The following FMN1 variants were observed in gnomAD, a reference collection of about 807,000 sequenced individuals.
The protein encoded by FMN1 is formin 1, also known as formin-1.
In FMN1, 110 loss-of-function variants were observed where a neutral mutation model predicts 132.4. That is an observed-to-expected ratio of 0.83 (90% CI 0.71 to 0.97). The LOEUF (loss-of-function observed/expected upper bound fraction) is 0.97. Among genes scored for constraint, FMN1 ranks in the 50% least tolerant of loss-of-function variants. The pLI, the probability that FMN1 is intolerant of heterozygous loss-of-function variation, is 0.00. For synonymous variants in FMN1, 722 were observed against 651.7 expected (o/e 1.11, Z -1.64); for missense variants, 1,792 against 1,705.3 (o/e 1.05, Z -0.90).
intron 9 of FMN1, among the ~76,000 whole-genome samples, chr15:32,935,668 C>T (rs1356668109): frequency 6.6e-6 from 1 of 151,734 alleles, no homozygotes; most frequent in Admixed American, 6.6e-5. Flanking sequence ...TGCTCTGTCA[C>T]CCAGGCTGGA....
intron 9 of FMN1, among the ~76,000 whole-genome samples, chr15:32,934,039 G>A (rs1355263953): frequency 6.6e-6 from 1 of 151,842 alleles, no homozygotes; most frequent in East Asian, 1.9e-4. Context: ...TGTAGCTTTT[G>A]TAGTTTTGTC....
intron 19 of FMN1, among the ~76,000 whole-genome samples, chr15:32,781,495 C>T (rs1417323767): frequency 6.6e-6 from 1 of 152,160 alleles, no homozygotes; most frequent in Admixed American, 6.5e-5. Flanking sequence ...CTGAAAAATG[C>T]ATCAACGACC....
At chr15:32,802,954 T>C (rs1316365155) in intron 18 of FMN1, among the ~76,000 whole-genome samples, 1 of 152,224 alleles carries the variant, frequency 6.6e-6, no homozygotes, top group Non-Finnish European at 1.5e-5. Context: ...TTTGAGAATA[T>C]GTCTGTACTT....
At chr15:32,920,865 C>T (rs548637336) in intron 10 of FMN1, among the ~76,000 whole-genome samples, 1 of 152,304 alleles carries the variant, frequency 6.6e-6, no homozygotes, top group African/African-American at 2.4e-5. Context: ...TTTCTATAGA[C>T]ATAGCTTCAG....
intron 6 of FMN1, among the ~76,000 whole-genome samples, chr15:33,009,515 T>G (rs2034593501): frequency 6.6e-6 from 1 of 152,352 alleles, no homozygotes; most frequent in Non-Finnish European, 1.5e-5. Flanking sequence ...TACACTGGCT[T>G]TCTTGCCATT....
At chr15:32,982,662 T>C (rs2032772026) in intron 7 of FMN1, among the ~76,000 whole-genome samples, 1 of 152,160 alleles carries the variant, frequency 6.6e-6, no homozygotes, top group Non-Finnish European at 1.5e-5. Flanking sequence ...GTGGGCCTCA[T>C]GCAATCTGTT....
At chr15:33,050,418 T>G (rs2036915602) in intron 6 of FMN1, among the ~76,000 whole-genome samples, 1 of 152,048 alleles carries the variant, frequency 6.6e-6, no homozygotes. Context: ...CATAGAAAGC[T>G]TCTTCAAATC....
chr15:32,846,920 C>A (rs575877481), intron 17 of FMN1, among the ~76,000 whole-genome samples: 1 of 152,204 alleles, frequency 6.6e-6, no homozygotes, highest in Admixed American at 6.5e-5. Flanking sequence ...TTTTCCAAAA[C>A]AAACTAATGA....
intron 10 of FMN1, among the ~76,000 whole-genome samples, chr15:32,919,867 A>G (rs938091430): frequency 5.9e-5 from 9 of 152,216 alleles, no homozygotes; most frequent in African/African-American, 2.2e-4. Flanking sequence ...AAAAGGAAAC[A>G]AGGTCCAGCG....
chr15:32,938,608 T>TTTAAAC (rs1370919229), intron 9 of FMN1, among the ~76,000 whole-genome samples: 1 of 152,178 alleles, frequency 6.6e-6, no homozygotes, highest in Non-Finnish European at 1.5e-5. Context: ...GTCATGCAAG[T>TTTAAAC]TTGTATTTTC....
At chr15:33,126,556 T>C (rs1419063282) in intron 4 of FMN1, among the ~76,000 whole-genome samples, 1 of 151,904 alleles carries the variant, frequency 6.6e-6, no homozygotes, top group Non-Finnish European at 1.5e-5. Flanking sequence ...TCCATAGATT[T>C]AGCTGAAGTT....
At position 32,860,085 on chromosome 15, in the gene FMN1, G is replaced by GGCAAC. The variant is rs1174312631; in HGVS notation, c.3836-2979_3836-2978insGTTGC. Among the ~76,000 whole-genome samples, 6 of 150,528 alleles carry GGCAAC rather than the reference G, an allele frequency of 4.0e-5. No homozygotes were observed. In the East Asian group the frequency reaches 7.8e-4, roughly 20 times the overall value. ...AGGAGGAAAGAAAGGCAAAGGCAAA[G>GGCAAC]GCAAGGCAAGGCAGGAGGGAGGGAG... On this transcript the variant is annotated intron_variant, in intron 16 of 20. Coordinates refer to ENST00000616417, the MANE Select transcript of FMN1 (RefSeq NM_001277313.2).
chr15:32,815,167 C>T (rs912252777), intron 17 of FMN1, among the ~76,000 whole-genome samples: 27 of 152,324 alleles, frequency 1.8e-4, no homozygotes, highest in African/African-American at 6.0e-4. Context: ...TGGTCTCGAT[C>T]TCCTGACCTC....
intron 7 of FMN1, among the ~76,000 whole-genome samples, chr15:32,974,561 A>G (rs993278340): frequency 6.6e-6 from 1 of 152,160 alleles, no homozygotes; most frequent in African/African-American, 2.4e-5. Context: ...TGCTCCCATT[A>G]GAATCACCTG....
intron 17 of FMN1, among the ~76,000 whole-genome samples, chr15:32,822,865 A>G (rs2058255457): frequency 1.3e-5 from 2 of 152,160 alleles, no homozygotes; most frequent in African/African-American, 2.4e-5. Flanking sequence ...TTCTGCCTAC[A>G]AGCATGTTTT....
intron 9 of FMN1, among the ~76,000 whole-genome samples, chr15:32,932,994 G>T (rs961854902): frequency 6.6e-6 from 1 of 151,604 alleles, no homozygotes; most frequent in African/African-American, 2.4e-5. Context: ...CTTTTTTTCT[G>T]CTGAAATCCT....
At chr15:33,010,979 T>C (rs2034685877) in intron 6 of FMN1, among the ~76,000 whole-genome samples, 1 of 142,932 alleles carries the variant, frequency 7.0e-6, no homozygotes, top group African/African-American at 2.5e-5. Context: ...TGTAAAGGTG[T>C]GAGTCTTCCC....
chr15:32,766,375 A>G lies in FMN1; in HGVS notation c.*7935T>C, dbSNP rs1445380188. The G allele has an allele frequency of 1.3e-5, 2 of 152,114 alleles. No individual in the cohort carries two copies. The highest frequency in any genetic ancestry group is 2.4e-5 in the African/African-American group (1 of 41,426). 9.4% of individuals were successfully genotyped at this position (152,114 alleles called of 1,614,324 possible). A position where few individuals can be genotyped will look rare whatever the true frequency, so the allele number is the denominator to read the frequency against. ...TGTTTGCCTGCACAGAATTAAGTCA[A>G]TTTGTCCAGCACCACAGAAAGTTAC... is the stretch of plus-strand genomic sequence containing the variant. On this transcript the variant is annotated 3_prime_UTR_variant, in exon 21 of 21. Transcript: ENST00000616417.
At chr15:32,920,187 C>A (rs1250701045) in intron 10 of FMN1, among the ~76,000 whole-genome samples, 1 of 152,072 alleles carries the variant, frequency 6.6e-6, no homozygotes, top group African/African-American at 2.4e-5. Context: ...TCCCCTGGGA[C>A]AAGAATAAGA....
Sources: allele counts gnomAD v4.1 joint callset (sites outside exome capture counted in the v4.1 genomes callset), GRCh38; gene constraint gnomAD v4.1.1; transcripts MANE v1.5; gene names NCBI Gene and HGNC (gene_info 2026-07-23, HGNC 2026-07-21).